FAM111A: variants seen among roughly 807,000 people sequenced by gnomAD.
FAM111A encodes the protein serine protease FAM111A.
A neutral mutation model predicts 3.3 loss-of-function variants in FAM111A; 8 were observed. That is an observed-to-expected ratio of 2.39 (90% confidence interval 1.40 to 4.32). The LOEUF is 4.32. FAM111A is among the 30% of genes most tolerant of loss of function. The probability of loss-of-function intolerance (pLI) is 0.00; values close to 1 mark genes in which losing one functional copy is unlikely to be tolerated. For synonymous variants in FAM111A, 227 were observed against 243.1 expected (o/e 0.93, Z 0.62); for missense variants, 683 against 727.6 (o/e 0.94, Z 0.71).
rs1388160191 is a variant in FAM111A at position 59,152,076 on chromosome 11, G to T, written c.408G>T (p.Glu136Asp). ...MLVRGTEGIK[E>D]YINLGMPLSC... ...TGCGTGGCACAGAAGGAATCAAAGA[G>T]TACATAAACCTTGGAATGCCCCTCA... The change falls in exon 6 of 6, where the codon GAG becomes GAT. Residue 136 changes from glutamate (E) to aspartate (D), a missense_variant. Glu to Asp is a conservative substitution (Grantham distance 45). Around this residue, in one of 3 missense-constraint regions of FAM111A, gnomAD observed 557 missense variants for 600.2 expected, o/e 0.93. Coordinates refer to ENST00000675163, the MANE Select transcript of FAM111A (RefSeq NM_001312909.2). The T allele has an allele frequency of 3.1e-6, 5 of 1,614,076 alleles. No individual in the cohort carries two copies. Among genetic ancestry groups the T allele is most frequent in the African/African-American group, 1.3e-5 (1 of 74,932 alleles).
At chr11:59,147,982 C>T (rs1182402974) in intron 4 of FAM111A, among the ~76,000 whole-genome samples, 1 of 152,146 alleles carries the variant, frequency 6.6e-6, no homozygotes, top group African/African-American at 2.4e-5. Context: ...CTACTCCATT[C>T]GTTTATTGAA....
intron 5 of FAM111A, among the ~76,000 whole-genome samples, chr11:59,149,770 T>C (rs1018964023): frequency 6.6e-6 from 1 of 152,196 alleles, no homozygotes; most frequent in Non-Finnish European, 1.5e-5. Flanking sequence ...TCAATTTGTT[T>C]ATTGGAGAAG....
At chr11:59,149,225 C>A in intron 5 of FAM111A, 1 of 320,286 alleles carries the variant, frequency 3.1e-6, no homozygotes, top group Non-Finnish European at 5.8e-6. Flanking sequence ...AAGTCATGCA[C>A]GTTTAGTTCA....
At chr11:59,150,376 C>G (rs1590944162) in intron 5 of FAM111A, among the ~76,000 whole-genome samples, 1 of 152,090 alleles carries the variant, frequency 6.6e-6, no homozygotes, top group African/African-American at 2.4e-5. Context: ...AGTCATTGTG[C>G]TAGGCATTGT....
chr11:59,146,535 A>T (rs1367515609), intron 4 of FAM111A, among the ~76,000 whole-genome samples: 2 of 152,260 alleles, frequency 1.3e-5, no homozygotes, highest in South Asian at 2.1e-4. Context: ...AAGTTCTAAC[A>T]TTATTTTAGC....
chr11:59,145,023 AC>A (rs1204585988), intron 3 of FAM111A: 2 of 152,354 alleles, frequency 1.3e-5, no homozygotes, highest in Non-Finnish European at 2.9e-5. Context: ...TGACAGCGCC[AC>A]CCATCTGGGG....
intron 5 of FAM111A, among the ~76,000 whole-genome samples, chr11:59,149,432 T>G (rs1037560327): frequency 6.6e-6 from 1 of 152,198 alleles, no homozygotes; most frequent in Admixed American, 6.5e-5. Flanking sequence ...TGTCCTTACT[T>G]GTTTTATCCT....
At chr11:59,145,407 G>A (rs1860730592) in intron 3 of FAM111A, 1 of 152,268 alleles carries the variant, frequency 6.6e-6, no homozygotes, top group Admixed American at 6.5e-5. Flanking sequence ...AGGAAGTCAA[G>A]CAAGTTCTTT....
chr11:59,153,112 A>G lies in FAM111A; in HGVS notation c.1444A>G (p.Ile482Val). ...CCATCCATATGGAGAAAAAAAGCAG[A>G]TTGATGCTTGTGCTGTGATCCCTCA... Reference protein sequence around the residue: ...IGHPYGEKKQIDACAVIPQGQ... With the variant: ...IGHPYGEKKQVDACAVIPQGQ... Residue 482 changes from isoleucine (I) to valine (V), a missense_variant, in exon 6 of 6, where the codon ATT becomes GTT. Transcript: ENST00000675163. The G allele has an allele frequency of 6.2e-7, 1 of 1,614,206 alleles. No homozygotes were observed. Among genetic ancestry groups the G allele is most frequent in the East Asian group, 2.2e-5 (1 of 44,896 alleles).
chr11:59,143,057 A>G (rs935124118), intron 1 of FAM111A, 26 bp from the exon 2 acceptor site: 3 of 152,286 alleles, frequency 2.0e-5, no homozygotes, highest in African/African-American at 7.2e-5. Flanking sequence ...TTGCCTTTCC[A>G]ACCACTCTTT....
chr11:59,144,629 G>C (rs1050857369), intron 3 of FAM111A: 2 of 152,246 alleles, frequency 1.3e-5, no homozygotes, highest in African/African-American at 4.8e-5. Context: ...CAGACTGGCA[G>C]TGCTGTCTGA....
In FAM111A at chr11:59,152,482, A is replaced by T. The variant is rs928778237; in HGVS notation, c.814A>T (p.Met272Leu). The T allele has an allele frequency of 1.9e-6, 3 of 1,614,038 alleles. No homozygotes were observed. The highest frequency in any genetic ancestry group is 2.5e-6 in the Non-Finnish European group (3 of 1,180,034). Residue 272 changes from methionine to leucine, a missense_variant, in exon 6 of 6, where the codon ATG (methionine) becomes TTG (leucine). By Grantham distance (15) the Met-to-Leu change is conservative. Transcript: ENST00000675163. ...CTTTCAGGTTGAGGTTGAGAAAAGA[A>T]TGGTCCCCAGTGCAGCAGCTTCTCA... ...RYFQVEVEKR[M>L]VPSAAASQNP...
Position 59,152,994 on chromosome 11 carries a change from C to G in FAM111A, c.1326C>G (p.Val442=). 1 of 1,614,026 alleles carries G rather than the reference C, an allele frequency of 6.2e-7. No individual in the cohort carries two copies. The highest frequency in any genetic ancestry group is 8.5e-7 in the Non-Finnish European group (1 of 1,180,014). The stretch of plus-strand genomic sequence containing the variant: ...ATAATGAAGAGCTTGACTATGCTGT[C>G]CTGAAACTGAAGGAAAATGGACAAC... ...EIHNEELDYA[V]LKLKENGQQV... is the part of the protein sequence containing the mutation. The change falls in exon 6 of 6, where the codon GTC becomes GTG. Residue 442 remains valine, a synonymous_variant. Coordinates refer to ENST00000675163, the MANE Select transcript of FAM111A (RefSeq NM_001312909.2).
At position 59,153,485 on chromosome 11, in the gene FAM111A, T is replaced by C; in HGVS notation, c.1817T>C (p.Met606Thr). 1 of 1,608,204 alleles carries C rather than the reference T, an allele frequency of 6.2e-7. No individual in the cohort carries two copies. ...GTAAATCAGCAGGATGTAGAAATGATGAGTGATGAGGACTTGTGAGAATTC... is the reference window on the plus strand; with the variant it reads ...GTAAATCAGCAGGATGTAGAAATGACGAGTGATGAGGACTTGTGAGAATTC... Reference protein sequence around the residue: ...VFVNQQDVEMMSDEDL With the variant: ...VFVNQQDVEMTSDEDL Residue 606 changes from methionine to threonine, a missense_variant, in exon 6 of 6, where the codon ATG becomes ACG. Physicochemically the swap from Met to Thr is moderately conservative, Grantham distance 81. Around this residue, in one of 3 missense-constraint regions of FAM111A, gnomAD observed 122 missense variants for 110.9 expected, o/e 1.10. Transcript: ENST00000675163.
At chr11:59,146,047 G>T (rs943042447) in intron 4 of FAM111A, among the ~76,000 whole-genome samples, 191 bp downstream of exon 4, 3 of 151,076 alleles carry the variant, frequency 2.0e-5, no homozygotes, top group South Asian at 2.1e-4. Flanking sequence ...GTGTGTGTAT[G>T]TGTGTATATA....
At chr11:59,147,391 G>A (rs999139121) in intron 4 of FAM111A, among the ~76,000 whole-genome samples, 3 of 152,124 alleles carry the variant, frequency 2.0e-5, no homozygotes, top group African/African-American at 7.2e-5. Flanking sequence ...AATTTCCTGG[G>A]CTGCTTCTAC....
At chr11:59,151,683 C>A (rs907308780) in intron 5 of FAM111A, 67 bp from the exon 6 acceptor site, 5 of 1,222,224 alleles carry the variant, frequency 4.1e-6, no homozygotes, top group Non-Finnish European at 5.7e-6. Context: ...GAATTGCATA[C>A]CTGAAAAGAG....
rs767457654 is a variant in FAM111A at position 59,151,748 on chromosome 11, A to G, written c.82-2A>G. 1 of 1,563,070 alleles carries G rather than the reference A, an allele frequency of 6.4e-7. No individual in the cohort carries two copies. The highest frequency in any genetic ancestry group is 8.6e-7 in the Non-Finnish European group (1 of 1,159,906). On this transcript the variant is annotated splice_acceptor_variant, in intron 5 of 5. Coordinates refer to ENST00000675163, the MANE Select transcript of FAM111A (RefSeq NM_001312909.2). LOFTEE classifies it high-confidence loss of function. ...TTTAAAGTATCTAACATTTATTTTT[A>G]GGTCTCTAAAGAGCAACAGAATAAT...
At position 59,153,379 on chromosome 11, in the gene FAM111A, A is replaced by G. The variant is rs1360237697; in HGVS notation, c.1711A>G (p.Ile571Val). 4.3e-6 allele frequency: 7 copies of G among 1,613,980 alleles called. No homozygotes were observed. The highest frequency in any genetic ancestry group is 1.3e-5 in the African/African-American group (1 of 74,908). ...AYTYQNETRS[I>V]IEFGSTMESI... ...TACTTACCAAAATGAGACTCGTAGT[A>G]TCATTGAGTTTGGCTCTACCATGGA... is the stretch of plus-strand genomic sequence containing the variant. Residue 571 changes from isoleucine to valine, a missense_variant, in exon 6 of 6, where the codon ATC (isoleucine) becomes GTC (valine). Coordinates refer to ENST00000675163, the MANE Select transcript of FAM111A (RefSeq NM_001312909.2).
Sources: allele counts gnomAD v4.1 joint callset (sites outside exome capture counted in the v4.1 genomes callset), GRCh38; gene constraint gnomAD v4.1.1; regional missense constraint gnomAD v4.1.1; transcripts MANE v1.5; gene names NCBI Gene and HGNC (gene_info 2026-07-23, HGNC 2026-07-21).